Variants in PSD3 observed in about 807,000 individuals in gnomAD.
The protein encoded by PSD3 is pleckstrin and Sec7 domain containing 3.
PSD3 carries 49 observed loss-of-function variants against 105.5 expected under a neutral mutation model. The ratio of observed to expected loss-of-function variants is 0.46; its 90% CI spans 0.37 to 0.59. The LOEUF (loss-of-function observed/expected upper bound fraction) is 0.59, where lower values mean the gene tolerates loss of function less well. PSD3 is among the 20% of genes least tolerant of loss of function. The pLI, the probability that PSD3 is intolerant of heterozygous loss-of-function variation, is 0.00. For synonymous variants in PSD3, 557 were observed against 457.8 expected (o/e 1.22, Z -2.77); for missense variants, 1,561 against 1,263.8 (o/e 1.24, Z -3.57).
rs556619884 is a variant in PSD3 at position 18,659,752 on chromosome 8, G to A, written c.2173-4067C>T. Among the ~76,000 whole-genome samples, 17 of 152,304 alleles carry A rather than the reference G, an allele frequency of 1.1e-4. No individual in the cohort carries two copies. The South Asian group carries it at 3.5e-3, about 32-fold the overall frequency. ...CCTTTGTTGGTGAGGATGATGGGCTGGCTGCACTGATCCTATACTCTTAGT... is the reference window on the plus strand; with the variant it reads ...CCTTTGTTGGTGAGGATGATGGGCTAGCTGCACTGATCCTATACTCTTAGT... On this transcript the variant is annotated intron_variant, in intron 9 of 15. Coordinates refer to ENST00000327040, the MANE Select transcript of PSD3 (RefSeq NM_015310.4).
rs113938647 is a variant in PSD3, at chr8:18,574,253, C to T, written c.2639+875G>A. On this transcript the variant is annotated intron_variant, in intron 13 of 15. Transcript: ENST00000327040. ...GACCACTCTAAATGTCAGCTCCTCA[C>T]GGCACCCTCTCTAGGCTGATCTCTC... Among the ~76,000 whole-genome samples the T allele has an allele frequency of 2.4e-4, 37 of 152,284 alleles. No individual in the cohort carries two copies. The East Asian group carries it at 4.1e-3, about 17-fold the overall frequency.
intron 11 of PSD3, among the ~76,000 whole-genome samples, chr8:18,607,208 T>C (rs949412835): frequency 6.6e-6 from 1 of 152,174 alleles, no homozygotes; most frequent in Non-Finnish European, 1.5e-5. Context: ...TCCCTGCTCA[T>C]GACTACAGAT....
At chr8:18,772,388 A>G (rs887476453) in intron 8 of PSD3, among the ~76,000 whole-genome samples, 22 of 147,396 alleles carry the variant, frequency 1.5e-4, no homozygotes, top group Non-Finnish European at 1.5e-4. Flanking sequence ...TGCCAAAAAT[A>G]GTTTCTATTT....
In PSD3 at chr8:18,765,398, C is replaced by A. The variant is rs761763281; in HGVS notation, c.2172+51G>T. The A allele has an allele frequency of 5.4e-6, 8 of 1,475,310 alleles. No homozygotes were observed. In the Admixed American group the frequency reaches 1.3e-4, roughly 25 times the overall value. 91.4% of individuals were successfully genotyped at this position (1,475,310 alleles called of 1,614,324 possible). On this transcript the variant is annotated intron_variant, in intron 9 of 15. Coordinates refer to ENST00000327040, the MANE Select transcript of PSD3 (RefSeq NM_015310.4). ...AGCCTACTTAGGATTAAGCTGTAAG[C>A]AGCAAACAGAAATACAAGCATACAC...
intron 11 of PSD3, among the ~76,000 whole-genome samples, chr8:18,613,967 T>C (rs1056886569): frequency 1.3e-5 from 2 of 152,236 alleles, no homozygotes; most frequent in African/African-American, 2.4e-5. Context: ...TGTAATCCTT[T>C]AGTTTCCTTT....
intron 1 of PSD3, among the ~76,000 whole-genome samples, chr8:18,948,645 T>C (rs2129469899): frequency 6.6e-6 from 1 of 152,218 alleles, no homozygotes; most frequent in Admixed American, 6.5e-5. Flanking sequence ...CTTGAAACCT[T>C]GGAAAAGGTT....
chr8:18,847,547 T>C (rs1468011107), intron 4 of PSD3, among the ~76,000 whole-genome samples: 3 of 152,214 alleles, frequency 2.0e-5, no homozygotes, highest in Non-Finnish European at 4.4e-5. Context: ...CGATCCTAAC[T>C]GGTCACAAAT....
chr8:18,912,727 A>C (rs1002004946), intron 2 of PSD3, among the ~76,000 whole-genome samples: 2 of 152,210 alleles, frequency 1.3e-5, no homozygotes, highest in African/African-American at 4.8e-5. Context: ...CTGATGTTGA[A>C]GTTCAGAGAA....
chr8:19,013,895 C>T (rs1388157621), upstream of PSD3, among the ~76,000 whole-genome samples: 1 of 149,904 alleles, frequency 6.7e-6, no homozygotes, highest in Non-Finnish European at 1.5e-5. Context: ...GGTGGCTGGG[C>T]CTCCGAGGCG....
intron 1 of PSD3, among the ~76,000 whole-genome samples, chr8:18,963,883 T>C (rs766235051): frequency 2.6e-5 from 4 of 152,160 alleles, no homozygotes; most frequent in Non-Finnish European, 4.4e-5. Context: ...ACCCTACATA[T>C]TCTATGCTTA....
rs545743675 is a variant in PSD3, at chr8:18,583,219, G to A, written c.2482-7934C>T. On this transcript the variant is annotated intron_variant, in intron 12 of 15. Transcript: ENST00000327040. Reference sequence around the variant, plus strand: ...TTTGGGAGGTCAAGGCAGGAGGATCGCTTAAGTTGAGGAATTCAAGACCAG... The same window carrying A: ...TTTGGGAGGTCAAGGCAGGAGGATCACTTAAGTTGAGGAATTCAAGACCAG... 1.8e-4 allele frequency among the ~76,000 whole-genome samples: 28 copies of A among 152,210 alleles called. No homozygotes were observed. The East Asian group carries it at 5.1e-3, about 28-fold the overall frequency.
At chr8:18,962,029 T>C (rs1188071346) in intron 1 of PSD3, among the ~76,000 whole-genome samples, 2 of 152,168 alleles carry the variant, frequency 1.3e-5, no homozygotes, top group Non-Finnish European at 2.9e-5. Context: ...GCGGATCACT[T>C]GAGGTCAGGT....
chr8:18,549,380 T>C (rs1800633108), intron 15 of PSD3, among the ~76,000 whole-genome samples: 2 of 152,070 alleles, frequency 1.3e-5, no homozygotes, highest in African/African-American at 2.4e-5. Context: ...GGGGTTTCTT[T>C]GTATTTTTAA....
intron 9 of PSD3, among the ~76,000 whole-genome samples, chr8:18,663,225 G>A (rs1357074065): frequency 4.6e-5 from 7 of 152,050 alleles, no homozygotes; most frequent in South Asian, 2.1e-4. Flanking sequence ...CCAGGAGTTC[G>A]AAACCAGCCT....
At chr8:18,779,922 A>G (rs927621158) in intron 8 of PSD3, among the ~76,000 whole-genome samples, 1 of 152,198 alleles carries the variant, frequency 6.6e-6, no homozygotes, top group Non-Finnish European at 1.5e-5. Context: ...TGTTCTGTAA[A>G]TGTCTATCAA....
chr8:18,971,299 G>A (rs1824636519), intron 1 of PSD3, among the ~76,000 whole-genome samples: 1 of 152,192 alleles, frequency 6.6e-6, no homozygotes, highest in Non-Finnish European at 1.5e-5. Flanking sequence ...GCAAAGCTCA[G>A]CCAAGGTCCT....
At chr8:18,868,476 C>A (rs575743364) in intron 3 of PSD3, among the ~76,000 whole-genome samples, 1 of 152,168 alleles carries the variant, frequency 6.6e-6, no homozygotes, top group Non-Finnish European at 1.5e-5. Flanking sequence ...TAAAAATACA[C>A]CAAACTTTCA....
At chr8:19,071,595 A>T (rs908972135) in intron 1 of PSD3, among the ~76,000 whole-genome samples, 1 of 152,150 alleles carries the variant, frequency 6.6e-6, no homozygotes. Flanking sequence ...ACCCTGATGA[A>T]CCCGGGGAGC....
rs1827420140 is a variant in PSD3 at position 19,023,189 on chromosome 8, C to A, written c.324+61017G>T. On this transcript the variant is annotated intron_variant, in intron 1 of 1. Coordinates refer to the PSD3 transcript ENST00000521475. The stretch of plus-strand genomic sequence containing the variant: ...CATCCACATCTAGCTCAATCATTTA[C>A]AACCACATTGTGAATATTCAGGCAC... Among the ~76,000 whole-genome samples, 5 of 152,312 alleles carry A rather than the reference C, an allele frequency of 3.3e-5. No individual in the cohort carries two copies. In the South Asian group the frequency reaches 8.3e-4, roughly 25 times the overall value.
Sources: gnomAD v4.1 joint callset for allele counts (sites outside exome capture counted in the v4.1 genomes callset) on GRCh38, gnomAD v4.1.1 for gene constraint, MANE v1.5 for transcripts, NCBI Gene and HGNC (gene_info 2026-07-23, HGNC 2026-07-21) for gene names.